Variants in THOC2 observed in about 807,000 individuals in gnomAD.
THOC2 encodes the protein THO complex 2.
Under a neutral mutation model 128.4 loss-of-function variants are expected in THOC2, and 10 were observed. The ratio of observed to expected loss-of-function variants is 0.08; its 90% CI spans 0.05 to 0.13. THOC2 has a LOEUF of 0.13. THOC2 is among the 10% of genes least tolerant of loss of function. The probability of loss-of-function intolerance (pLI) is 1.00; values close to 1 mark genes in which losing one functional copy is unlikely to be tolerated. For missense variants in THOC2, 535 were observed against 1,155.7 expected (o/e 0.46, Z 7.79); for synonymous variants, 393 against 396.9 (o/e 0.99, Z 0.12).
intron 2 of THOC2, among the ~76,000 whole-genome samples, chrX:123,710,169 G>A (rs2051122843): frequency 8.9e-6 from 1 of 111,985 alleles, no homozygotes; most frequent in Non-Finnish European, 1.9e-5. Flanking sequence ...ATCAGCCAAG[G>A]AGTATATGTG....
rs182664555 is a variant in THOC2 at position 123,713,432 on chromosome X, G to A, written c.72-524C>T. Among the ~76,000 whole-genome samples the A allele has an allele frequency of 3.3e-3, 338 of 102,473 alleles. 2 individuals are homozygous for A. Among genetic ancestry groups the A allele is most frequent in the African/African-American group, 0.012 (318 of 27,398 alleles). 89.0% of individuals were successfully genotyped at this position (102,473 alleles called of 115,157 possible). A position where few individuals can be genotyped will look rare whatever the true frequency, so the allele number is the denominator to read the frequency against. On this transcript the variant is annotated intron_variant, in intron 1 of 38. Transcript: ENST00000245838. Reference sequence around the variant, plus strand: ...AGAGGTTGCAGTGAGCCAAGATCGCGCCACTGCACTGCAGCCTGGCAACAG... The same window carrying A: ...AGAGGTTGCAGTGAGCCAAGATCGCACCACTGCACTGCAGCCTGGCAACAG...
intron 12 of THOC2, among the ~76,000 whole-genome samples, chrX:123,645,921 C>T (rs932022091): frequency 3.7e-5 from 4 of 106,771 alleles, no homozygotes; most frequent in Non-Finnish European, 5.8e-5. Flanking sequence ...GAGATCGTGC[C>T]ATTGCACGCC....
At chrX:123,709,554 G>C (rs980913563) in intron 2 of THOC2, among the ~76,000 whole-genome samples, 3 of 111,677 alleles carry the variant, frequency 2.7e-5, no homozygotes, top group Admixed American at 1.9e-4. Flanking sequence ...TGGCGCCACT[G>C]CACTCCAGCC....
chrX:123,691,021 G>A (rs952712875), intron 7 of THOC2, among the ~76,000 whole-genome samples: 2 of 111,668 alleles, frequency 1.8e-5, no homozygotes, highest in Non-Finnish European at 3.8e-5. Flanking sequence ...AGACCTGCCA[G>A]GGCAACATGG....
intron 8 of THOC2, among the ~76,000 whole-genome samples, chrX:123,684,920 A>G (rs1186862337): frequency 8.9e-6 from 1 of 112,406 alleles, no homozygotes; most frequent in East Asian, 2.8e-4. Context: ...CTCCAAGAGT[A>G]TAGAAACAGA....
In THOC2 at chrX:123,728,242, T is replaced by TA. The variant is rs201497437; in HGVS notation, c.71+4709dup. 9.0e-3 allele frequency among the ~76,000 whole-genome samples: 926 copies of TA among 102,507 alleles called. 9 individuals are homozygous for TA. The highest frequency in any genetic ancestry group is 0.02 in the East Asian group (65 of 3,330). The allele number at this position is 102,507 out of a possible 115,157, so 89.0% of individuals were successfully genotyped here. On this transcript the variant is annotated intron_variant, in intron 1 of 38. Coordinates refer to ENST00000245838, the MANE Select transcript of THOC2 (RefSeq NM_001081550.2). Reference sequence around the variant, plus strand: ...TAAAAGAAAAGGAAACAGGAAATGTTAAAAAAAAAAAAGACAACAGGAGTT... The same window carrying TA: ...TAAAAGAAAAGGAAACAGGAAATGTTAAAAAAAAAAAAAGACAACAGGAGTT...
chrX:123,690,335 A>G (rs1008382517), intron 7 of THOC2, among the ~76,000 whole-genome samples: 5 of 111,819 alleles, frequency 4.5e-5, no homozygotes, highest in Non-Finnish European at 9.4e-5. Context: ...ACATATATTA[A>G]AAGTCAAATT....
In THOC2 at chrX:123,621,519, G is replaced by A. The variant is rs1441240390; in HGVS notation, c.3854C>T (p.Thr1285Ile). 3.4e-6 allele frequency: 4 copies of A among 1,183,682 alleles called. No individual in the cohort carries two copies. The highest frequency in any genetic ancestry group is 4.5e-6 in the Non-Finnish European group (4 of 887,149). The change falls in exon 31 of 39, where the codon ACT becomes ATT. Residue 1285 changes from threonine (T) to isoleucine (I), a missense_variant. Around this residue, in one of 9 missense-constraint regions of THOC2, gnomAD observed 116 missense variants for 180.0 expected, o/e 0.64. Transcript: ENST00000245838. ...KEKEKEKKEK[T>I]PATTPEARVL... The stretch of plus-strand genomic sequence containing the variant: ...CCTGGCCTCTGGAGTAGTAGCTGGA[G>A]TCTTTTCTTTTTTCTCTTTTTCTTT...
At chrX:123,626,195 G>A in intron 24 of THOC2, 126 bp from the exon 25 acceptor site, 3 of 481,351 alleles carry the variant, frequency 6.2e-6, no homozygotes, top group Non-Finnish European at 1.0e-5. Context: ...TTTATAGTTT[G>A]TAACCAAATG....
At chrX:123,683,865 G>T (rs903912392) in intron 8 of THOC2, among the ~76,000 whole-genome samples, 1 of 111,102 alleles carries the variant, frequency 9.0e-6, no homozygotes, top group African/African-American at 3.3e-5. Context: ...CTCCAAAAAT[G>T]CTGGAATTAC....
intron 22 of THOC2, among the ~76,000 whole-genome samples, chrX:123,631,240 T>C (rs2047471588): frequency 8.9e-6 from 1 of 112,016 alleles, no homozygotes; most frequent in Non-Finnish European, 1.9e-5. Flanking sequence ...CCATGGGGTG[T>C]GACAACAGTA....
intron 9 of THOC2, among the ~76,000 whole-genome samples, chrX:123,669,544 G>A (rs1023009643): frequency 1.8e-5 from 2 of 110,970 alleles, no homozygotes; most frequent in African/African-American, 6.6e-5. Context: ...TCGAACTCCT[G>A]ACCTCAGATG....
At chrX:123,707,366 G>C (rs2050976605) in intron 2 of THOC2, among the ~76,000 whole-genome samples, 1 of 111,707 alleles carries the variant, frequency 9.0e-6, no homozygotes, top group South Asian at 3.7e-4. Context: ...GTAGACTTCA[G>C]ATATATACTC....
At chrX:123,622,706 A>G in intron 30 of THOC2, 52 bp downstream of exon 30, 1 of 933,266 alleles carries the variant, frequency 1.1e-6, no homozygotes, top group East Asian at 3.2e-5. Context: ...AATACATAAA[A>G]ATCATTTTTA....
At chrX:123,616,673 G>A (rs748322946) in intron 33 of THOC2, among the ~76,000 whole-genome samples, 1 of 96,149 alleles carries the variant, frequency 1.0e-5, no homozygotes, top group African/African-American at 3.7e-5. Flanking sequence ...CCTGTTTTTT[G>A]TTTTTTTTTT....
At chrX:123,701,946 T>C (rs2050722436) in intron 4 of THOC2, among the ~76,000 whole-genome samples, 1 of 112,011 alleles carries the variant, frequency 8.9e-6, no homozygotes, top group African/African-American at 3.2e-5. Context: ...CATTTTGACC[T>C]ACTCCCAACA....
intron 38 of THOC2, among the ~76,000 whole-genome samples, chrX:123,604,414 T>C (rs1486708302): frequency 1.8e-5 from 2 of 110,611 alleles, no homozygotes; most frequent in East Asian, 5.6e-4. Flanking sequence ...CCTGTTTTGT[T>C]AGTAAGACTG....
chrX:123,628,247 C>T (rs187374157), intron 22 of THOC2, among the ~76,000 whole-genome samples: 10 of 111,655 alleles, frequency 9.0e-5, no homozygotes, highest in Admixed American at 7.6e-4. Flanking sequence ...AGGGTATATG[C>T]ATGTTCTCCT....
chrX:123,642,823 A>C (rs185668762), intron 15 of THOC2, among the ~76,000 whole-genome samples: 12 of 110,937 alleles, frequency 1.1e-4, no homozygotes, highest in Non-Finnish European at 1.7e-4. Context: ...ATAAGAGACT[A>C]AACAGTGGTT....
Sources: gnomAD v4.1 joint callset for allele counts (sites outside exome capture counted in the v4.1 genomes callset) on GRCh38, gnomAD v4.1.1 for gene constraint, gnomAD v4.1.1 regional missense constraint, MANE v1.5 for transcripts, NCBI Gene and HGNC (gene_info 2026-07-23, HGNC 2026-07-21) for gene names.